The following KIAA0513 variants were observed in gnomAD, a reference collection of about 807,000 sequenced individuals.
KIAA0513 encodes the protein uncharacterized protein KIAA0513.
In KIAA0513, 39 loss-of-function variants were observed where a neutral mutation model predicts 56.5. That is an observed-to-expected ratio of 0.69 (90% CI 0.53 to 0.90). The LOEUF is 0.90. Among genes scored for constraint, KIAA0513 ranks in the 40% least tolerant of loss-of-function variants. The pLI is 0.00. For synonymous variants in KIAA0513, 268 were observed against 215.6 expected (o/e 1.24, Z -2.13); for missense variants, 591 against 535.2 (o/e 1.10, Z -1.03).
chr16:85,040,569 G>A (rs1228442368), intron 1 of KIAA0513, among the ~76,000 whole-genome samples: 5 of 152,130 alleles, frequency 3.3e-5, no homozygotes, highest in East Asian at 3.9e-4. Context: ...GCAGGTACAC[G>A]TTTGTTGCTG....
At chr16:85,058,577 G>A (rs1257116701) in intron 1 of KIAA0513, among the ~76,000 whole-genome samples, 1 of 151,692 alleles carries the variant, frequency 6.6e-6, no homozygotes, top group South Asian at 2.1e-4. Flanking sequence ...GCATGAATCC[G>A]GGTGGCAAAG....
At chr16:85,051,502 C>T (rs986503210) in intron 1 of KIAA0513, among the ~76,000 whole-genome samples, 10 of 152,180 alleles carry the variant, frequency 6.6e-5, no homozygotes, top group African/African-American at 2.4e-4. Flanking sequence ...TTCCCCTTCC[C>T]GCTTCCCTCA....
intron 1 of KIAA0513, among the ~76,000 whole-genome samples, chr16:85,035,014 C>T (rs2073015458): frequency 6.6e-6 from 1 of 152,242 alleles, no homozygotes; most frequent in African/African-American, 2.4e-5. Context: ...CACCCCACAC[C>T]TGTGCACCTA....
At chr16:85,033,236 C>T (rs191914952) in intron 1 of KIAA0513, among the ~76,000 whole-genome samples, 5 of 152,316 alleles carry the variant, frequency 3.3e-5, no homozygotes, top group African/African-American at 1.2e-4. Context: ...GGCCATGCGG[C>T]TCCTGACAGT....
chr16:85,046,933 AAG>A (rs2073179490), intron 1 of KIAA0513, among the ~76,000 whole-genome samples: 2 of 152,164 alleles, frequency 1.3e-5, no homozygotes, highest in African/African-American at 4.8e-5. Flanking sequence ...TAGCTCAGAT[AAG>A]ATGTTGATCA....
At chr16:85,068,806 CT>C (rs2073529062) in intron 2 of KIAA0513, among the ~76,000 whole-genome samples, 1 of 152,164 alleles carries the variant, frequency 6.6e-6, no homozygotes, top group African/African-American at 2.4e-5. Flanking sequence ...GGGACTGTCT[CT>C]TTCTTTTCCC....
intron 1 of KIAA0513, among the ~76,000 whole-genome samples, chr16:85,061,039 G>T (rs937687360): frequency 3.3e-4 from 50 of 151,894 alleles, no homozygotes; most frequent in African/African-American, 1.0e-3. Context: ...TGTACTCCTA[G>T]CTACTTGGGA....
intron 1 of KIAA0513, 122 bp from the exon 2 acceptor site, chr16:85,066,778 G>A (rs1330306635): frequency 2.7e-6 from 1 of 375,602 alleles, no homozygotes; most frequent in Admixed American, 4.3e-5. Flanking sequence ...GTAGGAAGAT[G>A]ATAGCAAAGA....
chr16:85,091,686 G>T lies in KIAA0513; in HGVS notation c.*3361G>T, dbSNP rs1225755101. ...ACAGGCCTCTCGCTCACTCCTCCCA[G>T]CCCAGTAATGCTGAGGAGTTCAGTT... On this transcript the variant is annotated 3_prime_UTR_variant, in exon 13 of 13. Coordinates refer to ENST00000683363, the MANE Select transcript of KIAA0513 (RefSeq NM_001388359.1). 1 of 152,162 alleles carries T rather than the reference G, an allele frequency of 6.6e-6. No individual in the cohort carries two copies. Among genetic ancestry groups the T allele is most frequent in the Non-Finnish European group, 1.5e-5 (1 of 68,028 alleles). The allele number at this position is 152,162 out of a possible 1,614,324, so 9.4% of individuals were successfully genotyped here.
chr16:85,031,916 C>G (rs1232797462), intron 1 of KIAA0513, among the ~76,000 whole-genome samples: 1 of 152,184 alleles, frequency 6.6e-6, no homozygotes, highest in African/African-American at 2.4e-5. Flanking sequence ...GAAACCTAGC[C>G]TGGCTAGCGG....
intron 1 of KIAA0513, among the ~76,000 whole-genome samples, chr16:85,030,884 C>T (rs1011407451): frequency 6.6e-6 from 1 of 152,064 alleles, no homozygotes; most frequent in Non-Finnish European, 1.5e-5. Context: ...GTAAATGTTT[C>T]GGCAAGTCAG....
At chr16:85,041,026 T>A (rs2073098148) in intron 1 of KIAA0513, among the ~76,000 whole-genome samples, 2 of 152,222 alleles carry the variant, frequency 1.3e-5, no homozygotes, top group Non-Finnish European at 2.9e-5. Flanking sequence ...CAGAATGAGA[T>A]GTATTTTAAT....
intron 2 of KIAA0513, 57 bp downstream of exon 2, chr16:85,067,457 C>T (rs546985896): frequency 3.0e-5 from 41 of 1,365,578 alleles, no homozygotes; most frequent in South Asian, 8.0e-5. Flanking sequence ...CAAGGGGACT[C>T]GCCTCCTGCT....
chr16:85,029,285 A>G (rs1426434676), intron 1 of KIAA0513, among the ~76,000 whole-genome samples: 1 of 152,192 alleles, frequency 6.6e-6, no homozygotes, highest in African/African-American at 2.4e-5. Flanking sequence ...CGATCAGATC[A>G]TCACTAACCT....
At chr16:85,056,680 C>T (rs957844343) in intron 1 of KIAA0513, among the ~76,000 whole-genome samples, 2 of 152,118 alleles carry the variant, frequency 1.3e-5, no homozygotes, top group Admixed American at 1.3e-4. Context: ...CCCCTCTGCT[C>T]AATTGCCCAA....
intron 11 of KIAA0513, 81 bp downstream of exon 11, chr16:85,086,805 G>A: frequency 4.8e-6 from 6 of 1,238,714 alleles, no homozygotes; most frequent in Non-Finnish European, 6.9e-6. Flanking sequence ...ATCACACCCT[G>A]GGGTGTGATG....
chr16:85,050,691 T>TC (rs1381575125), intron 1 of KIAA0513, among the ~76,000 whole-genome samples: 3 of 152,322 alleles, frequency 2.0e-5, no homozygotes, highest in African/African-American at 7.2e-5. Flanking sequence ...CCCCTTGTTT[T>TC]CCGCAGTGTG....
chr16:85,067,878 T>A (rs557578197), intron 2 of KIAA0513, among the ~76,000 whole-genome samples: 2 of 152,166 alleles, frequency 1.3e-5, no homozygotes, highest in African/African-American at 4.8e-5. Flanking sequence ...TGGTGCGATC[T>A]CAGCTTAATG....
Position 85,076,934 on chromosome 16 carries a change from G to A in KIAA0513, c.575-491G>A, listed in dbSNP as rs560097628. ...TGACCTATAGTGGGCACTGAGGCCC[G>A]TGGGGGTGCCTCATCCTGTGGGGGT... On this transcript the variant is annotated intron_variant, in intron 5 of 12. Coordinates refer to ENST00000683363, the MANE Select transcript of KIAA0513 (RefSeq NM_001388359.1). This position sits in a 1 kb window ranked among gnomAD's most constrained non-coding sequence, Gnocchi z 4.7. 2.0e-5 allele frequency among the ~76,000 whole-genome samples: 3 copies of A among 152,314 alleles called. No individual in the cohort carries two copies. Among genetic ancestry groups the A allele is most frequent in the East Asian group, 1.9e-4 (1 of 5,170 alleles).
Sources: gnomAD v4.1 joint callset for allele counts (sites outside exome capture counted in the v4.1 genomes callset) on GRCh38, gnomAD v4.1.1 for gene constraint, Gnocchi (gnomAD v3.1) non-coding constraint, MANE v1.5 for transcripts, NCBI Gene and HGNC (gene_info 2026-07-23, HGNC 2026-07-21) for gene names.